C1orf21: variants seen among roughly 807,000 people sequenced by gnomAD.
C1orf21 encodes the protein chromosome 1 open reading frame 21, also known as uncharacterized protein C1orf21.
In C1orf21, 3 loss-of-function variants were observed where a neutral mutation model predicts 18.7. That is an observed-to-expected ratio of 0.16 (90% CI 0.07 to 0.42). The LOEUF is 0.42. Among genes scored for constraint, C1orf21 ranks in the 10% least tolerant of loss-of-function variants. C1orf21 has a pLI of 0.99. For missense variants in C1orf21, 104 were observed against 143.6 expected, an observed-to-expected ratio of 0.72 and a Z score of 1.41; for synonymous variants, 41 against 46.4, an observed-to-expected ratio of 0.88 and a Z score of 0.47.
At chr1:184,559,585 TCCTC>T (rs58689902) in intron 3 of C1orf21, among the ~76,000 whole-genome samples, 3,693 of 101,616 alleles carry the variant, frequency 0.036, 301 homozygotes, top group African/African-American at 0.14. Context: ...CTCCCTCTCT[TCCTC>T]CCTTCCTTCC....
At position 184,420,638 on chromosome 1, in the gene C1orf21, C is replaced by T. The variant is rs530468846; in HGVS notation, c.-125+33270C>T. Among the ~76,000 whole-genome samples, 5 of 152,242 alleles carry T rather than the reference C, an allele frequency of 3.3e-5. No individual in the cohort carries two copies. The South Asian group carries it at 1.0e-3, about 32-fold the overall frequency. ...TTTAACTCCCAGTCTCTCTACTTTA[C>T]CTCTGCTTTGGGGAAATCCAAAAAA... On this transcript the variant is annotated intron_variant, in intron 1 of 5. Coordinates refer to ENST00000235307, the MANE Select transcript of C1orf21 (RefSeq NM_030806.4).
intron 3 of C1orf21, among the ~76,000 whole-genome samples, chr1:184,543,683 G>A (rs1277744454): frequency 6.6e-6 from 1 of 152,126 alleles, no homozygotes; most frequent in Non-Finnish European, 1.5e-5. Context: ...AATTTAATGA[G>A]ATGTCATCAA....
At chr1:184,495,796 G>A (rs541463583) in intron 2 of C1orf21, among the ~76,000 whole-genome samples, 1 of 151,494 alleles carries the variant, frequency 6.6e-6, no homozygotes, top group East Asian at 1.9e-4. Flanking sequence ...GGCAGGTGAC[G>A]TAATCTCAGC....
intron 3 of C1orf21, among the ~76,000 whole-genome samples, chr1:184,585,298 C>T (rs1482666208): frequency 6.6e-6 from 1 of 152,130 alleles, no homozygotes; most frequent in African/African-American, 2.4e-5. Context: ...GATGCTGCAA[C>T]AGCAACAGTA....
At chr1:184,530,436 CAATGAT>C (rs1557995143) in intron 3 of C1orf21, among the ~76,000 whole-genome samples, 1 of 152,076 alleles carries the variant, frequency 6.6e-6, no homozygotes. Flanking sequence ...ATGATGAAGG[CAATGAT>C]GATGATGATG....
Position 184,522,053 on chromosome 1 carries a change from T to G in C1orf21, c.189+14371T>G, listed in dbSNP as rs1378884957. Among the ~76,000 whole-genome samples the G allele has an allele frequency of 2.0e-5, 3 of 152,204 alleles. No homozygotes were observed. In the East Asian group the frequency reaches 5.8e-4, roughly 29 times the overall value. On this transcript the variant is annotated intron_variant, in intron 3 of 5. Transcript: ENST00000235307. ...TGGCTACTGGATGGTGAAGCCAGGTTTCTCACTGTTGGAGTGGGAGGTTAC... is the reference window on the plus strand; with the variant it reads ...TGGCTACTGGATGGTGAAGCCAGGTGTCTCACTGTTGGAGTGGGAGGTTAC...
chr1:184,575,800 A>AC (rs575502986), intron 3 of C1orf21, among the ~76,000 whole-genome samples: 7 of 151,556 alleles, frequency 4.6e-5, no homozygotes, highest in Non-Finnish European at 7.4e-5. Flanking sequence ...CTGCTAAGAG[A>AC]CCCCCCAACC....
At position 184,393,364 on chromosome 1, in the gene C1orf21, T is replaced by C. The variant is rs202140244; in HGVS notation, c.-125+5996T>C. 1.2e-4 allele frequency among the ~76,000 whole-genome samples: 19 copies of C among 152,160 alleles called. No individual in the cohort carries two copies. The East Asian group carries it at 3.5e-3, about 28-fold the overall frequency. On this transcript the variant is annotated intron_variant, in intron 1 of 5. Transcript: ENST00000235307. ...CTCCTCCCTTCTTCCTCCCACCCAC[T>C]TCTCTCCATCAAGCTTTTAGATCTT... is the stretch of plus-strand genomic sequence containing the variant.
chr1:184,520,139 C>A (rs981369723), intron 3 of C1orf21, among the ~76,000 whole-genome samples: 4 of 152,278 alleles, frequency 2.6e-5, no homozygotes, highest in East Asian at 1.9e-4. Context: ...TGCCAAATTT[C>A]TTCCTTCTTT....
chr1:184,402,326 C>G (rs1656169838), intron 1 of C1orf21, among the ~76,000 whole-genome samples: 2 of 151,788 alleles, frequency 1.3e-5, no homozygotes, highest in East Asian at 3.9e-4. Flanking sequence ...GAGAATGGAT[C>G]TAATTTTTGC....
chr1:184,481,290 G>T (rs1336731169), intron 2 of C1orf21, among the ~76,000 whole-genome samples: 2 of 152,266 alleles, frequency 1.3e-5, no homozygotes, highest in Admixed American at 6.5e-5. Flanking sequence ...GTCAGCTGTG[G>T]TGACACTTCT....
At chr1:184,515,664 T>C (rs1365527156) in intron 3 of C1orf21, among the ~76,000 whole-genome samples, 1 of 152,152 alleles carries the variant, frequency 6.6e-6, no homozygotes, top group Non-Finnish European at 1.5e-5. Context: ...TTAAGGAAAA[T>C]ATTAAGGACA....
chr1:184,567,448 C>T (rs1659049911), intron 3 of C1orf21: 11 of 540,400 alleles, frequency 2.0e-5, no homozygotes, highest in South Asian at 1.5e-4. Flanking sequence ...ATGCCTTTTT[C>T]CAGATTAACA....
chr1:184,472,802 C>T (rs1311639107), intron 1 of C1orf21, among the ~76,000 whole-genome samples: 1 of 152,088 alleles, frequency 6.6e-6, no homozygotes, highest in Non-Finnish European at 1.5e-5. Flanking sequence ...ACCTACTTGC[C>T]TGGGGAGAAC....
At chr1:184,583,141 G>T (rs554338821) in intron 3 of C1orf21, among the ~76,000 whole-genome samples, 6 of 152,164 alleles carry the variant, frequency 3.9e-5, no homozygotes, top group South Asian at 4.2e-4. Context: ...GCCTGGCCAG[G>T]AATGTTTTAA....
chr1:184,453,011 T>G (rs946880147), intron 1 of C1orf21, among the ~76,000 whole-genome samples: 3 of 152,126 alleles, frequency 2.0e-5, no homozygotes, highest in Admixed American at 1.3e-4. Context: ...CCAGAGGCAA[T>G]TGGTCTGAAT....
At chr1:184,412,217 A>C (rs908867428) in intron 1 of C1orf21, 2 of 152,174 alleles carry the variant, frequency 1.3e-5, no homozygotes, top group African/African-American at 4.8e-5. Flanking sequence ...CTGCATTACC[A>C]CCCCACTGTT....
chr1:184,562,844 A>T (rs1445416349), intron 3 of C1orf21, among the ~76,000 whole-genome samples: 1 of 152,218 alleles, frequency 6.6e-6, no homozygotes, highest in East Asian at 1.9e-4. Flanking sequence ...TCAGAGAAGG[A>T]TATATATTTG....
chr1:184,445,699 G>A (rs1657019638), intron 1 of C1orf21, among the ~76,000 whole-genome samples: 1 of 152,090 alleles, frequency 6.6e-6, no homozygotes, highest in Non-Finnish European at 1.5e-5. Flanking sequence ...GAGAGAGCTG[G>A]TTAATGCAAT....
Sources: allele counts gnomAD v4.1 joint callset (sites outside exome capture counted in the v4.1 genomes callset), GRCh38; gene constraint gnomAD v4.1.1; transcripts MANE v1.5; gene names NCBI Gene and HGNC (gene_info 2026-07-23, HGNC 2026-07-21).